STPG2: variants seen among roughly 807,000 people sequenced by gnomAD.
STPG2 encodes sperm-tail PG-rich repeat-containing protein 2.
Under a neutral mutation model 54.2 loss-of-function variants are expected in STPG2, and 56 were observed. That is an observed-to-expected ratio of 1.03 (90% CI 0.83 to 1.29). STPG2 has a LOEUF of 1.29. Among genes scored for constraint, STPG2 ranks in the 50% most tolerant of loss-of-function variants. The pLI is 0.00. For synonymous variants in STPG2, 200 were observed against 181.8 expected (o/e 1.10, Z -0.81); for missense variants, 596 against 544.9 (o/e 1.09, Z -0.93).
intron 10 of STPG2, among the ~76,000 whole-genome samples, chr4:97,590,413 G>C (rs1434988181): frequency 6.6e-6 from 1 of 152,028 alleles, no homozygotes. Flanking sequence ...ATACTATAGG[G>C]AAAGGGTAAA....
chr4:97,722,798 T>TG (rs1491118230), intron 9 of STPG2, among the ~76,000 whole-genome samples: 33 of 35,268 alleles, frequency 9.4e-4, no homozygotes, highest in African/African-American at 7.4e-3. Context: ...TCTCTGCCAA[T>TG]TTTTTTTTTT....
chr4:98,002,349 T>C (rs1343159331), intron 5 of STPG2, among the ~76,000 whole-genome samples: 1 of 152,094 alleles, frequency 6.6e-6, no homozygotes, highest in Non-Finnish European at 1.5e-5. Flanking sequence ...GCAATTCTCA[T>C]TGTTATAAAA....
intron 10 of STPG2, among the ~76,000 whole-genome samples, chr4:97,627,670 T>C (rs1734168546): frequency 6.6e-6 from 1 of 152,164 alleles, no homozygotes; most frequent in Admixed American, 6.5e-5. Context: ...GTAAAATGTT[T>C]AAAGGATATA....
chr4:97,829,990 C>A (rs911566045), intron 9 of STPG2, among the ~76,000 whole-genome samples: 1 of 152,132 alleles, frequency 6.6e-6, no homozygotes, highest in Non-Finnish European at 1.5e-5. Flanking sequence ...CATAGCAAGA[C>A]AGGCCAACAC....
At chr4:97,457,779 G>T (rs1052216014) in intron 4 of STPG2, among the ~76,000 whole-genome samples, 7 of 152,188 alleles carry the variant, frequency 4.6e-5, no homozygotes, top group African/African-American at 1.7e-4. Flanking sequence ...GTTTGGAAAA[G>T]ACTAAAAATC....
At chr4:97,631,552 A>G (rs1721279428) in intron 10 of STPG2, among the ~76,000 whole-genome samples, 1 of 152,146 alleles carries the variant, frequency 6.6e-6, no homozygotes, top group African/African-American at 2.4e-5. Context: ...GTTAGTTGAA[A>G]GTAAAACAGA....
intron 10 of STPG2, among the ~76,000 whole-genome samples, chr4:97,594,826 A>G (rs568774787): frequency 6.6e-6 from 1 of 152,322 alleles, no homozygotes; most frequent in African/African-American, 2.4e-5. Flanking sequence ...AAAGATTGGG[A>G]GCATATATTC....
At chr4:97,689,778 G>A (rs182766987) in intron 10 of STPG2, among the ~76,000 whole-genome samples, 16 of 152,104 alleles carry the variant, frequency 1.1e-4, no homozygotes. Context: ...TCAAAAGGAA[G>A]TCTTAACTTG....
At chr4:97,731,843 C>A (rs1724805922) in intron 9 of STPG2, among the ~76,000 whole-genome samples, 1 of 152,216 alleles carries the variant, frequency 6.6e-6, no homozygotes, top group South Asian at 2.1e-4. Context: ...TGTGCACGAA[C>A]CTGGGGGTTT....
chr4:97,997,400 A>G (rs558677472), intron 5 of STPG2, among the ~76,000 whole-genome samples: 101 of 152,284 alleles, frequency 6.6e-4, no homozygotes, highest in Non-Finnish European at 1.1e-3. Context: ...TTACATGGCA[A>G]AAGAAAGGAG....
At chr4:97,607,222 T>A (rs116270787) in intron 10 of STPG2, among the ~76,000 whole-genome samples, 2,627 of 152,070 alleles carry the variant, frequency 0.017, 66 homozygotes, top group African/African-American at 0.059. Context: ...TGCTACAGAA[T>A]CCAATGCCTC....
At chr4:97,712,039 A>AAAGAAC (rs1470476951) in intron 10 of STPG2, among the ~76,000 whole-genome samples, 3 of 152,178 alleles carry the variant, frequency 2.0e-5, no homozygotes, top group Non-Finnish European at 2.9e-5. Flanking sequence ...TTAGCCCCAA[A>AAAGAAC]AAGAACATTC....
intron 9 of STPG2, among the ~76,000 whole-genome samples, chr4:97,788,198 T>A (rs1373170526): frequency 6.6e-6 from 1 of 152,062 alleles, no homozygotes; most frequent in Admixed American, 6.6e-5. Flanking sequence ...TCTGTACCCA[T>A]TAACCATCCC....
chr4:97,551,911 A>G (rs992840147), intron 4 of STPG2, among the ~76,000 whole-genome samples: 4 of 152,166 alleles, frequency 2.6e-5, no homozygotes, highest in Non-Finnish European at 5.9e-5. Context: ...GAGATGATAC[A>G]CATAATGCAA....
At chr4:97,952,474 G>A (rs1003979125) in intron 7 of STPG2, among the ~76,000 whole-genome samples, 1 of 152,162 alleles carries the variant, frequency 6.6e-6, no homozygotes, top group Non-Finnish European at 1.5e-5. Flanking sequence ...TCCCCTTAAT[G>A]TGGCATACTT....
chr4:97,586,234 T>C, intron 10 of STPG2, among the ~76,000 whole-genome samples: 1 of 151,802 alleles, frequency 6.6e-6, no homozygotes, highest in Admixed American at 6.6e-5. Flanking sequence ...GACAATACAA[T>C]CAGTGAAACT....
chr4:97,958,277 T>A (rs953019937), intron 7 of STPG2, among the ~76,000 whole-genome samples: 1 of 151,490 alleles, frequency 6.6e-6, no homozygotes, highest in Admixed American at 6.6e-5. Context: ...GCCACTGCAC[T>A]CCAGCCTGAG....
chr4:97,490,669 A>C (rs1331584932), intron 4 of STPG2, among the ~76,000 whole-genome samples: 1 of 151,698 alleles, frequency 6.6e-6, no homozygotes, highest in African/African-American at 2.4e-5. Flanking sequence ...CTGCATGTAT[A>C]GGTTGGTACC....
chr4:97,508,841 A>G (rs1218586796), intron 4 of STPG2, among the ~76,000 whole-genome samples: 2 of 152,116 alleles, frequency 1.3e-5, no homozygotes, highest in Non-Finnish European at 2.9e-5. Flanking sequence ...AGTGCTTTAT[A>G]CTAGAGGGCC....
Sources: gnomAD v4.1 joint callset for allele counts (sites outside exome capture counted in the v4.1 genomes callset) on GRCh38, gnomAD v4.1.1 for gene constraint, MANE v1.5 for transcripts, NCBI Gene and HGNC (gene_info 2026-07-23, HGNC 2026-07-21) for gene names.